ANGPTL7: variants seen among roughly 807,000 people sequenced by gnomAD.
ANGPTL7 encodes the protein angiopoietin-related protein 7.
Under a neutral mutation model 38.8 loss-of-function variants are expected in ANGPTL7, and 37 were observed. That is an observed-to-expected ratio of 0.95 (90% CI 0.73 to 1.25). The LOEUF (loss-of-function observed/expected upper bound fraction) is 1.25. ANGPTL7 is among the 50% of genes most tolerant of loss of function. The probability of loss-of-function intolerance (pLI) is 0.00; values close to 1 mark genes in which losing one functional copy is unlikely to be tolerated. For missense variants in ANGPTL7, 427 were observed against 438.6 expected (o/e 0.97, Z 0.24); for synonymous variants, 166 against 163.2 (o/e 1.02, Z -0.13).
chr1:11,192,269 G>C lies in ANGPTL7; in HGVS notation c.377-1G>C. 1 of 1,611,188 alleles carries C rather than the reference G, an allele frequency of 6.2e-7. No homozygotes were observed. The highest frequency in any genetic ancestry group is 2.2e-5 in the East Asian group (1 of 44,872). On this transcript the variant is annotated splice_acceptor_variant, in intron 1 of 4. Coordinates refer to ENST00000376819, the MANE Select transcript of ANGPTL7 (RefSeq NM_021146.4). LOFTEE classifies it high-confidence loss of function. ...TCACCCTGTGGTTTGTTCTCTTGTA[G>C]ATGCCATCTACGACTGCTCTTCCCT...
chr1:11,194,139 T>C (rs183811803), intron 3 of ANGPTL7, among the ~76,000 whole-genome samples: 229 of 152,254 alleles, frequency 1.5e-3, no homozygotes, highest in Non-Finnish European at 2.6e-3. Flanking sequence ...CTGAAAGCAC[T>C]CACTATATCC....
chr1:11,194,831 A>C (rs1349269933), intron 4 of ANGPTL7, 23 bp from the exon 5 acceptor site: 1 of 1,613,010 alleles, frequency 6.2e-7, no homozygotes, highest in Non-Finnish European at 8.5e-7. Context: ...ACTTACTAGC[A>C]CTGGGTCTGT....
chr1:11,193,797 C>T, intron 3 of ANGPTL7, 23 bp downstream of exon 3: 1 of 1,612,888 alleles, frequency 6.2e-7, no homozygotes, highest in Non-Finnish European at 8.5e-7. Context: ...CCAGGGGCCC[C>T]ATGACTGGAC....
chr1:11,190,041 A>T, intron 1 of ANGPTL7, 86 bp downstream of exon 1: 1 of 1,470,860 alleles, frequency 6.8e-7, no homozygotes, highest in Non-Finnish European at 9.1e-7. Flanking sequence ...CAGAACCACT[A>T]CTGGGGCCTC....
intron 1 of ANGPTL7, among the ~76,000 whole-genome samples, chr1:11,191,262 C>T (rs1047367765): frequency 1.3e-5 from 2 of 152,156 alleles, no homozygotes; most frequent in African/African-American, 4.8e-5. Context: ...TGCTCAGTTA[C>T]CCTTATATTC....
At position 11,189,515 on chromosome 1, in the gene ANGPTL7, GACC is replaced by G. The variant is rs369368705; in HGVS notation, c.-64_-62del. ...TCAGTCAGCCTGCTGCAGCTTTGCA[GACC>G]TCAGCTGGGCATCTCCAGACTCCCC... On this transcript the variant is annotated 5_prime_UTR_variant, in exon 1 of 5. Coordinates refer to ENST00000376819, the MANE Select transcript of ANGPTL7 (RefSeq NM_021146.4). 615 of 1,516,186 alleles carry G rather than the reference GACC, an allele frequency of 4.1e-4. 2 individuals carry two copies. In the African/African-American group the frequency reaches 6.9e-3, roughly 17 times the overall value. 93.9% of individuals were successfully genotyped at this position (1,516,186 alleles called of 1,614,324 possible). A position where few individuals can be genotyped will look rare whatever the true frequency, so the allele number is the denominator to read the frequency against.
intron 2 of ANGPTL7, among the ~76,000 whole-genome samples, chr1:11,192,615 A>G (rs1645586042): frequency 6.6e-6 from 1 of 151,884 alleles, no homozygotes; most frequent in Non-Finnish European, 1.5e-5. Flanking sequence ...AAAATTAGCC[A>G]GGCATGGTGG....
rs532498579 is a variant in ANGPTL7 at position 11,189,883 on chromosome 1, T to A, written c.304T>A (p.Tyr102Asn). 2.3e-4 allele frequency: 371 copies of A among 1,614,114 alleles called. 5 individuals are homozygous for A. In the South Asian group the frequency reaches 4.0e-3, roughly 17 times the overall value. ...GCGGCTCACAGATGCTGAGAGCAAGTACTCCGAGATGAACAACCAAATTGA... is the reference window on the plus strand; with the variant it reads ...GCGGCTCACAGATGCTGAGAGCAAGAACTCCGAGATGAACAACCAAATTGA... ...ESRLTDAESK[Y>N]SEMNNQIDIM... The change falls in exon 1 of 5, where the codon TAC (tyrosine) becomes AAC (asparagine). Residue 102 changes from tyrosine (Y) to asparagine (N), a missense_variant. Transcript: ENST00000376819.
chr1:11,189,742 C>A lies in ANGPTL7; in HGVS notation c.163C>A (p.Gln55Lys), dbSNP rs1298844140. ...TGAGGAGGTGAAGGAGCTCAAGGCC[C>A]AAGTTGCCAACCTTAGCAGCCTGCT... ...CCEEVKELKA[Q>K]VANLSSLLSE... Residue 55 changes from glutamine (Q) to lysine (K), a missense_variant, in exon 1 of 5, where the codon CAA becomes AAA. Gln to Lys is a moderately conservative substitution (Grantham distance 53). Transcript: ENST00000376819. 12 of 1,614,014 alleles carry A rather than the reference C, an allele frequency of 7.4e-6. No individual in the cohort carries two copies. The highest frequency in any genetic ancestry group is 7.6e-6 in the Non-Finnish European group (9 of 1,180,016).
At chr1:11,194,780 T>G in intron 4 of ANGPTL7, 74 bp from the exon 5 acceptor site, 1 of 1,598,750 alleles carries the variant, frequency 6.3e-7, no homozygotes, top group Admixed American at 1.7e-5. Flanking sequence ...TTTCTGACCC[T>G]GGCTCTAACT....
chr1:11,194,827 T>C, intron 4 of ANGPTL7, 27 bp from the exon 5 acceptor site: 1 of 1,612,724 alleles, frequency 6.2e-7, no homozygotes, highest in Non-Finnish European at 8.5e-7. Flanking sequence ...GTCAACTTAC[T>C]AGCACTGGGT....
chr1:11,190,134 CT>C (rs1419324976), intron 1 of ANGPTL7, among the ~76,000 whole-genome samples, 179 bp downstream of exon 1: 1 of 152,170 alleles, frequency 6.6e-6, no homozygotes, highest in Non-Finnish European at 1.5e-5. Context: ...TACCTAACAC[CT>C]TCACGGGTCT....
chr1:11,194,656 A>G lies in ANGPTL7; in HGVS notation c.868A>G (p.Lys290Glu). 1 of 1,614,214 alleles carries G rather than the reference A, an allele frequency of 6.2e-7. No individual in the cohort carries two copies. The highest frequency in any genetic ancestry group is 1.1e-5 in the South Asian group (1 of 91,082). ...NCLDKCAQLR[K>E]GGYWYNCCTD... is the part of the protein sequence containing the mutation. Reference sequence around the variant, plus strand: ...CTTGGACAAGTGTGCACAGCTCCGCAAAGGTGAGATTTGGGGGGACCGGAA... The same window carrying G: ...CTTGGACAAGTGTGCACAGCTCCGCGAAGGTGAGATTTGGGGGGACCGGAA... Residue 290 changes from lysine to glutamate, a missense_variant, in exon 4 of 5, where the codon AAA becomes GAA. Physicochemically the swap from Lys to Glu is moderately conservative, Grantham distance 56 (BLOSUM62 1). Transcript: ENST00000376819.
In ANGPTL7 at chr1:11,189,438, GAA is replaced by G. The variant is rs1236372847; in HGVS notation, c.-140_-139del. On this transcript the variant is annotated 5_prime_UTR_variant, in exon 1 of 5. Coordinates refer to ENST00000376819, the MANE Select transcript of ANGPTL7 (RefSeq NM_021146.4). Reference sequence around the variant, plus strand: ...TTGAGAAAGGCTAGCAAAGAGCAAGGAAAGAGAGAAAACAACAAAGTGGCGAG... The same window carrying G: ...TTGAGAAAGGCTAGCAAAGAGCAAGGAGAGAGAAAACAACAAAGTGGCGAG... The G allele has an allele frequency of 9.7e-7, 1 of 1,032,684 alleles. No individual in the cohort carries two copies. The highest frequency in any genetic ancestry group is 1.4e-6 in the Non-Finnish European group (1 of 710,334). 64.0% of individuals were successfully genotyped at this position (1,032,684 alleles called of 1,614,324 possible).
In ANGPTL7 at chr1:11,189,936, G is replaced by T; in HGVS notation, c.357G>T (p.Thr119=). 6.2e-7 allele frequency: 1 copy of T among 1,611,838 alleles called. No individual in the cohort carries two copies. The highest frequency in any genetic ancestry group is 8.5e-7 in the Non-Finnish European group (1 of 1,179,060). ...TCATGCAGCTGCAGGCAGCACAGAC[G>T]GTCACTCAGACCTCCGCAGGTAAGG... ...IDIMQLQAAQ[T]VTQTSADAIY... Residue 119 remains threonine, a synonymous_variant, in exon 1 of 5, where the codon ACG becomes ACT. Coordinates refer to ENST00000376819, the MANE Select transcript of ANGPTL7 (RefSeq NM_021146.4).
chr1:11,192,343 T>G lies in ANGPTL7; in HGVS notation c.450T>G (p.Asp150Glu), dbSNP rs1362724604. 1.5e-5 allele frequency: 24 copies of G among 1,613,938 alleles called. No homozygotes were observed. The Admixed American group carries it at 4.0e-4, about 27-fold the overall frequency. The change falls in exon 2 of 5, where the codon GAT becomes GAG. Residue 150 changes from aspartate to glutamate, a missense_variant. Coordinates refer to ENST00000376819, the MANE Select transcript of ANGPTL7 (RefSeq NM_021146.4). ...CTGGAGTGTATAAGCTTCCTCCTGA[T>G]GACTTCCTGGGCAGCCCTGAACTGG... ...RISGVYKLPP[D>E]DFLGSPELEV...
At chr1:11,190,920 G>T (rs777541208) in intron 1 of ANGPTL7, among the ~76,000 whole-genome samples, 9 of 152,178 alleles carry the variant, frequency 5.9e-5, no homozygotes, top group Non-Finnish European at 1.2e-4. Context: ...GTTTTAACAT[G>T]AAACCAAGCT....
rs201880929 is a variant in ANGPTL7, at chr1:11,194,969, C to T, written c.987C>T (p.Thr329=). ...GITWYGWHGS[T]YSLKRVEMKI... ...CCTGGTATGGCTGGCATGGATCTAC[C>T]TACTCCCTCAAACGGGTGGAGATGA... Residue 329 remains threonine (T), a synonymous_variant, in exon 5 of 5, where the codon ACC becomes ACT. Coordinates refer to ENST00000376819, the MANE Select transcript of ANGPTL7 (RefSeq NM_021146.4). The T allele has an allele frequency of 4.2e-4, 682 of 1,614,094 alleles. 10 individuals are homozygous for T. The South Asian group carries it at 6.2e-3, about 15-fold the overall frequency.
intron 2 of ANGPTL7, among the ~76,000 whole-genome samples, chr1:11,193,211 A>G (rs12141131): frequency 0.091 from 13,805 of 151,668 alleles, 1,023 homozygotes; most frequent in South Asian, 0.2. Flanking sequence ...AGCTACTAGG[A>G]AGGCAGGAGA....
Sources: gnomAD v4.1 joint callset for allele counts (sites outside exome capture counted in the v4.1 genomes callset) on GRCh38, gnomAD v4.1.1 for gene constraint, MANE v1.5 for transcripts, NCBI Gene and HGNC (gene_info 2026-07-23, HGNC 2026-07-21) for gene names.